Variants in KDM3A observed in about 807,000 individuals in gnomAD.
KDM3A encodes the protein lysine demethylase 3A, also known as lysine-specific demethylase 3A.
A neutral mutation model predicts 158.0 loss-of-function variants in KDM3A; 60 were observed. The ratio of observed to expected loss-of-function variants is 0.38; its 90% confidence interval spans 0.31 to 0.47. KDM3A has a LOEUF of 0.47. KDM3A is among the 20% of genes least tolerant of loss of function. The pLI is 0.99. For synonymous variants in KDM3A, 608 were observed against 549.3 expected (o/e 1.11, Z -1.49); for missense variants, 1,319 against 1,574.3 (o/e 0.84, Z 2.74).
At chr2:86,475,084 AC>A in intron 12 of KDM3A, 94 bp downstream of exon 12, 1 of 1,003,096 alleles carries the variant, frequency 1.0e-6, no homozygotes, top group Non-Finnish European at 1.5e-6. Flanking sequence ...GTTTTTTTTC[AC>A]CCAGAAGTTT....
chr2:86,456,904 T>TCTCCTTC, intron 7 of KDM3A, 27 bp downstream of exon 7: 1 of 1,581,528 alleles, frequency 6.3e-7, no homozygotes, highest in East Asian at 2.2e-5. Flanking sequence ...AAATCTTTCT[T>TCTCCTTC]CTCCTTCCTC....
chr2:86,490,195 C>CT (rs1294803357), intron 23 of KDM3A: 2 of 152,606 alleles, frequency 1.3e-5, no homozygotes, highest in African/African-American at 4.8e-5. Context: ...TTCTAGGCAA[C>CT]TAGAAAGATG....
At chr2:86,457,272 A>G (rs1018487940) in intron 8 of KDM3A, among the ~76,000 whole-genome samples, 2 of 152,084 alleles carry the variant, frequency 1.3e-5, no homozygotes, top group Non-Finnish European at 2.9e-5. Context: ...CTGGGACTGC[A>G]GGCATGTGTC....
chr2:86,482,876 G>A (rs769223777), intron 18 of KDM3A, 182 bp downstream of exon 18: 6 of 615,666 alleles, frequency 9.7e-6, no homozygotes, highest in Non-Finnish European at 1.4e-5. Context: ...TAAAGCAGAT[G>A]GTCCTAAGCT....
At chr2:86,469,652 A>G (rs1180254541) in intron 10 of KDM3A, among the ~76,000 whole-genome samples, 1 of 152,232 alleles carries the variant, frequency 6.6e-6, no homozygotes, top group Non-Finnish European at 1.5e-5. Flanking sequence ...GAGACATGTC[A>G]GGAGTCAAGT....
At chr2:86,478,915 T>C in intron 15 of KDM3A, 180 bp downstream of exon 15, 1 of 574,808 alleles carries the variant, frequency 1.7e-6, no homozygotes, top group Non-Finnish European at 3.0e-6. Flanking sequence ...GTTCTGACTT[T>C]TCACATTACT....
intron 8 of KDM3A, among the ~76,000 whole-genome samples, chr2:86,462,130 T>G (rs1226913257): frequency 6.6e-6 from 1 of 152,050 alleles, no homozygotes; most frequent in African/African-American, 2.4e-5. Context: ...ATGGGTAGAT[T>G]CAATACATAC....
intron 11 of KDM3A, among the ~76,000 whole-genome samples, chr2:86,470,692 A>G (rs1673362435): frequency 1.3e-5 from 2 of 152,214 alleles, no homozygotes; most frequent in African/African-American, 2.4e-5. Flanking sequence ...AAACCACTAC[A>G]AATAACTACT....
At chr2:86,471,624 A>G (rs2104676528) in intron 11 of KDM3A, among the ~76,000 whole-genome samples, 1 of 152,284 alleles carries the variant, frequency 6.6e-6, no homozygotes, top group South Asian at 2.1e-4. Context: ...TATCTAAGTT[A>G]AAAGATTGCT....
intron 2 of KDM3A, among the ~76,000 whole-genome samples, chr2:86,444,214 A>G (rs568981887): frequency 6.6e-6 from 1 of 152,348 alleles, no homozygotes; most frequent in African/African-American, 2.4e-5. Context: ...CCAGATTTGC[A>G]TAATTAGCTG....
In KDM3A at chr2:86,478,940, T is replaced by G. The variant is rs1673794958; in HGVS notation, c.2316+205T>G. On this transcript the variant is annotated intron_variant, in intron 15 of 25. Coordinates refer to ENST00000312912, the MANE Select transcript of KDM3A (RefSeq NM_018433.6). ...TTCACATTACTTTCGTAGACTCTAC[T>G]GTGGCCTCTTGTAGTAGGTTTTACA... is the stretch of plus-strand genomic sequence containing the variant. 4 of 447,944 alleles carry G rather than the reference T, an allele frequency of 8.9e-6. 1 individual carries two copies. The South Asian group carries it at 1.5e-4, about 17-fold the overall frequency. The allele number at this position is 447,944 out of a possible 1,614,324, so 27.7% of individuals were successfully genotyped here. A position where few individuals can be genotyped will look rare whatever the true frequency, so the allele number is the denominator to read the frequency against.
chr2:86,491,290 A>G lies in KDM3A; in HGVS notation c.3885+15A>G. 1.2e-6 allele frequency: 2 copies of G among 1,612,380 alleles called. No individual in the cohort carries two copies. The highest frequency in any genetic ancestry group is 1.7e-6 in the Non-Finnish European group (2 of 1,178,586). ...ATAAATTACAGGTAAAAATAGCACC[A>G]ATTCCTAGCATTCTTTGGCTATGGC... On this transcript the variant is annotated intron_variant, in intron 25 of 25. Transcript: ENST00000312912.
intron 4 of KDM3A, 68 bp downstream of exon 4, chr2:86,451,281 G>C: frequency 1.0e-6 from 1 of 999,970 alleles, no homozygotes; most frequent in Non-Finnish European, 1.5e-6. Flanking sequence ...GAGAAGTAAA[G>C]TACAGTTGAA....
upstream of KDM3A, among the ~76,000 whole-genome samples, chr2:86,438,839 ATTTC>A (rs1267260683): frequency 2.6e-5 from 4 of 152,128 alleles, no homozygotes; most frequent in South Asian, 6.2e-4. Context: ...CCAAATGCAA[ATTTC>A]TTTTTCATTC....
intron 8 of KDM3A, among the ~76,000 whole-genome samples, chr2:86,460,983 C>T (rs1047827681): frequency 4.6e-5 from 7 of 152,116 alleles, no homozygotes; most frequent in East Asian, 3.8e-4. Context: ...AGGAAAAGCA[C>T]GCTAAGTTGT....
chr2:86,448,877 A>G (rs1040880744), intron 2 of KDM3A, among the ~76,000 whole-genome samples: 12 of 152,332 alleles, frequency 7.9e-5, no homozygotes, highest in Middle Eastern at 6.8e-3. Flanking sequence ...AAAGCATTGA[A>G]GAGGACCTAG....
intron 10 of KDM3A, among the ~76,000 whole-genome samples, chr2:86,467,771 A>C (rs927158290): frequency 7.9e-5 from 12 of 152,180 alleles, no homozygotes; most frequent in Non-Finnish European, 1.5e-4. Context: ...CTGTAATCCT[A>C]ATACTTTGGG....
Position 86,489,388 on chromosome 2 carries a change from T to C in KDM3A, c.3384T>C (p.Asn1128=), listed in dbSNP as rs946299622. Residue 1128 remains asparagine, a synonymous_variant, in exon 22 of 26, where the codon AAT becomes AAC. Coordinates refer to ENST00000312912, the MANE Select transcript of KDM3A (RefSeq NM_018433.6). ...NLHLDVSDAA[N]VMVYVGIPKG... ...ACTTAGATGTATCTGATGCAGCTAA[T>C]GTCATGGTCTATGTGGGAATTCCCA... 10 of 1,613,924 alleles carry C rather than the reference T, an allele frequency of 6.2e-6. No individual in the cohort carries two copies. The highest frequency in any genetic ancestry group is 1.3e-5 in the African/African-American group (1 of 74,902).
intron 16 of KDM3A, among the ~76,000 whole-genome samples, chr2:86,481,626 G>C (rs1261834172): frequency 1.3e-5 from 2 of 152,096 alleles, no homozygotes; most frequent in Admixed American, 6.5e-5. Flanking sequence ...TAAAGAGAAT[G>C]CTGCCAATAT....
Sources: gnomAD v4.1 joint callset for allele counts (sites outside exome capture counted in the v4.1 genomes callset) on GRCh38, gnomAD v4.1.1 for gene constraint, MANE v1.5 for transcripts, NCBI Gene and HGNC (gene_info 2026-07-23, HGNC 2026-07-21) for gene names.